JHY: variants seen among roughly 807,000 people sequenced by gnomAD.
JHY encodes junctional cadherin complex regulator.
In JHY, 69 loss-of-function variants were observed where a neutral mutation model predicts 78.0. The observed-to-expected ratio is 0.88, with a 90% CI of 0.73 to 1.08. JHY has a LOEUF of 1.08. Ranked by LOEUF, JHY falls within the 50% of genes least tolerant of loss-of-function variation. The pLI, the probability that JHY is intolerant of heterozygous loss-of-function variation, is 0.00. For synonymous variants in JHY, 368 were observed against 342.6 expected (o/e 1.07, Z -0.82); for missense variants, 944 against 927.8 (o/e 1.02, Z -0.23).
chr11:122,904,545 T>A, intron 3 of JHY, 101 bp downstream of exon 3: 2 of 1,329,902 alleles, frequency 1.5e-6, no homozygotes, highest in Non-Finnish European at 2.1e-6. Context: ...GACGATGTCA[T>A]AGCAGCCACC....
intron 2 of JHY, among the ~76,000 whole-genome samples, chr11:122,893,071 A>T (rs1431573833): frequency 6.6e-6 from 1 of 152,152 alleles, no homozygotes; most frequent in African/African-American, 2.4e-5. Context: ...TAGATTTTCA[A>T]TTTAAGGCCA....
intron 2 of JHY, among the ~76,000 whole-genome samples, chr11:122,903,324 T>A (rs1263299886): frequency 6.6e-6 from 1 of 152,238 alleles, no homozygotes; most frequent in Non-Finnish European, 1.5e-5. Context: ...ATTATAGATA[T>A]CTGTTTTTCA....
intron 2 of JHY, among the ~76,000 whole-genome samples, chr11:122,900,483 G>T (rs1255421185): frequency 1.4e-5 from 2 of 146,818 alleles, no homozygotes; most frequent in African/African-American, 5.0e-5. Flanking sequence ...GAAGATCAAA[G>T]AGGCCATTAA....
rs768446337 is a variant in JHY, at chr11:122,957,423, A to G, written c.2071A>G (p.Thr691Ala). The G allele has an allele frequency of 2.0e-6, 3 of 1,537,076 alleles. No homozygotes were observed. Among genetic ancestry groups the G allele is most frequent in the South Asian group, 2.6e-5 (2 of 76,492 alleles). Residue 691 changes from threonine to alanine, a missense_variant, in exon 8 of 9, where the codon ACA becomes GCA. Physicochemically the swap from Thr to Ala is moderately conservative, Grantham distance 58 (BLOSUM62 0). Transcript: ENST00000227349. Reference protein sequence around the residue: ...AKQVKEYNMKTLSILSKPQTE... With the variant: ...AKQVKEYNMKALSILSKPQTE... ...ACAAGTCAAGGAGTACAACATGAAG[A>G]CACTATCCATTCTATCAAAACCACA...
intron 2 of JHY, among the ~76,000 whole-genome samples, chr11:122,890,361 G>T (rs1220877664): frequency 1.3e-5 from 2 of 152,152 alleles, no homozygotes; most frequent in Non-Finnish European, 2.9e-5. Context: ...ATTGCATCTA[G>T]TGAGTGGTGG....
intron 4 of JHY, among the ~76,000 whole-genome samples, chr11:122,927,938 C>T (rs2135345618): frequency 6.6e-6 from 1 of 152,132 alleles, no homozygotes; most frequent in Admixed American, 6.5e-5. Flanking sequence ...ACCATGTTGG[C>T]CAGGCTGGTC....
At chr11:122,915,276 G>A (rs4936760) in intron 3 of JHY, among the ~76,000 whole-genome samples, 40,320 of 151,974 alleles carry the variant, frequency 0.27, 6,321 homozygotes, top group East Asian at 0.35. Flanking sequence ...CTATGAGCCC[G>A]CGGTCATTTT....
chr11:122,943,986 G>C (rs745790259), intron 5 of JHY, among the ~76,000 whole-genome samples: 3 of 152,134 alleles, frequency 2.0e-5, no homozygotes, highest in Non-Finnish European at 2.9e-5. Context: ...AGGGAGGATT[G>C]CTTGAGTCCA....
At chr11:122,946,442 T>C in intron 5 of JHY, 56 bp from the exon 6 acceptor site, 2 of 1,497,078 alleles carry the variant, frequency 1.3e-6, no homozygotes, top group Non-Finnish European at 8.9e-7. Context: ...TTATGCTAGA[T>C]GTCTTATGTA....
intron 2 of JHY, among the ~76,000 whole-genome samples, chr11:122,895,017 C>T (rs1226048049): frequency 6.6e-6 from 1 of 152,100 alleles, no homozygotes; most frequent in Non-Finnish European, 1.5e-5. Flanking sequence ...TTCATATTTA[C>T]AGAAGTGAAT....
chr11:122,957,250 C>A, intron 7 of JHY, 113 bp from the exon 8 acceptor site: 1 of 1,220,584 alleles, frequency 8.2e-7, no homozygotes, highest in East Asian at 2.9e-5. Context: ...CCCATTGCTC[C>A]TGTACAGCTG....
At chr11:122,938,975 G>T (rs1005793143) in intron 5 of JHY, among the ~76,000 whole-genome samples, 1 of 150,578 alleles carries the variant, frequency 6.6e-6, no homozygotes, top group African/African-American at 2.4e-5. Context: ...CTGGAGATCC[G>T]CCTGCTTCTT....
intron 4 of JHY, among the ~76,000 whole-genome samples, chr11:122,929,043 C>T (rs1863579628): frequency 6.6e-6 from 1 of 151,948 alleles, no homozygotes; most frequent in African/African-American, 2.4e-5. Context: ...CTACCAGGTT[C>T]AAGCCTCCCA....
At chr11:122,948,701 G>A (rs771736792) in intron 6 of JHY, among the ~76,000 whole-genome samples, 54 of 152,084 alleles carry the variant, frequency 3.6e-4, no homozygotes, top group Non-Finnish European at 4.7e-4. Context: ...GAACGTAAAG[G>A]AAAACTGATA....
chr11:122,891,823 C>T (rs1862620698), intron 2 of JHY, among the ~76,000 whole-genome samples: 1 of 151,974 alleles, frequency 6.6e-6, no homozygotes, highest in Non-Finnish European at 1.5e-5. Flanking sequence ...TTAAATTGAC[C>T]TCTCTCCAAA....
intron 2 of JHY, among the ~76,000 whole-genome samples, chr11:122,901,612 G>T (rs1000738345): frequency 6.6e-6 from 1 of 151,974 alleles, no homozygotes; most frequent in African/African-American, 2.4e-5. Flanking sequence ...GGTGGCTCAC[G>T]CCTGTAATCC....
In JHY at chr11:122,960,420, A is replaced by G; in HGVS notation, c.*975A>G. 1 of 227,908 alleles carries G rather than the reference A, an allele frequency of 4.4e-6. No individual in the cohort carries two copies. The highest frequency in any genetic ancestry group is 1.1e-4 in the East Asian group (1 of 9,388). 14.1% of individuals were successfully genotyped at this position (227,908 alleles called of 1,614,324 possible). On this transcript the variant is annotated 3_prime_UTR_variant, in exon 9 of 9. Transcript: ENST00000227349. ...AGGTCCAGGGGTATTGCAGGCAACAAGGACCTTTCACACAGGGAAGCCACT... is the reference window on the plus strand; with the variant it reads ...AGGTCCAGGGGTATTGCAGGCAACAGGGACCTTTCACACAGGGAAGCCACT...
chr11:122,930,262 G>A (rs535786410), intron 4 of JHY, among the ~76,000 whole-genome samples: 46 of 152,066 alleles, frequency 3.0e-4, no homozygotes, highest in Middle Eastern at 3.4e-3. Flanking sequence ...TGTATTTTTA[G>A]TAGAGACAGG....
Position 122,886,041 on chromosome 11 carries a change from C to G in JHY, c.192C>G (p.Ile64Met), listed in dbSNP as rs766762785. The stretch of plus-strand genomic sequence containing the variant: ...GCCATTCTGAGTTTGATGATCGAAT[C>G]CGGGGCAACGGTATGGAGCCCGACA... ...IMCHSEFDDR[I>M]RGNGMEPDSL... is the part of the protein sequence containing the mutation. Residue 64 changes from isoleucine to methionine, a missense_variant, in exon 2 of 9, where the codon ATC (isoleucine) becomes ATG (methionine). Transcript: ENST00000227349. 6 of 1,613,968 alleles carry G rather than the reference C, an allele frequency of 3.7e-6. No homozygotes were observed. Among genetic ancestry groups the G allele is most frequent in the Non-Finnish European group, 5.1e-6 (6 of 1,180,032 alleles).
Sources: allele counts gnomAD v4.1 joint callset (sites outside exome capture counted in the v4.1 genomes callset), GRCh38; gene constraint gnomAD v4.1.1; transcripts MANE v1.5; gene names NCBI Gene and HGNC (gene_info 2026-07-23, HGNC 2026-07-21).